SLC37A3: variants seen among roughly 807,000 people sequenced by gnomAD.
The protein encoded by SLC37A3 is solute carrier family 37 member 3, also known as sugar phosphate exchanger 3.
A neutral mutation model predicts 67.1 loss-of-function variants in SLC37A3; 51 were observed. The ratio of observed to expected loss-of-function variants is 0.76; its 90% CI spans 0.61 to 0.96. SLC37A3 has a LOEUF of 0.96. Among genes scored for constraint, SLC37A3 ranks in the 40% least tolerant of loss-of-function variants. The pLI is 0.00. For synonymous variants in SLC37A3, 214 were observed against 231.4 expected, an observed-to-expected ratio of 0.92 and a Z score of 0.68; for missense variants, 508 against 603.0, an observed-to-expected ratio of 0.84 and a Z score of 1.65.
Position 140,343,537 on chromosome 7 carries a change from T to C in SLC37A3, c.1201A>G (p.Met401Val). 6.2e-7 allele frequency: 1 copy of C among 1,614,136 alleles called. No homozygotes were observed. Among genetic ancestry groups the C allele is most frequent in the Non-Finnish European group, 8.5e-7 (1 of 1,180,014 alleles). ...TGFFIGGPSN[M>V]ISSAISADLG... ...TCCGCAGAAATAGCAGAACTAATCATATTAGAAGGTCCACCAATAAAAAAT... is the reference window on the plus strand; with the variant it reads ...TCCGCAGAAATAGCAGAACTAATCACATTAGAAGGTCCACCAATAAAAAAT... The change falls in exon 13 of 15, where the codon ATG (methionine) becomes GTG (valine). Residue 401 changes from methionine (M) to valine (V), a missense_variant. Coordinates refer to ENST00000326232, the MANE Select transcript of SLC37A3 (RefSeq NM_207113.3).
At chr7:140,360,731 T>G (rs1340968435) in intron 5 of SLC37A3, among the ~76,000 whole-genome samples, 1 of 50,010 alleles carries the variant, frequency 2.0e-5, no homozygotes, top group African/African-American at 6.6e-5. Flanking sequence ...AAGACTCCGT[T>G]TAAAAAAAAA....
intron 1 of SLC37A3, among the ~76,000 whole-genome samples, chr7:140,382,994 T>C (rs968518137): frequency 1.3e-5 from 2 of 152,114 alleles, no homozygotes; most frequent in Non-Finnish European, 2.9e-5. Context: ...TTAAAGAAGA[T>C]TGTGCTCAAT....
intron 3 of SLC37A3, among the ~76,000 whole-genome samples, chr7:140,377,668 G>T (rs1798087184): frequency 6.6e-6 from 1 of 152,058 alleles, no homozygotes; most frequent in Non-Finnish European, 1.5e-5. Flanking sequence ...GTACTTTTTA[G>T]GATGCTATTT....
At chr7:140,343,870 CAAAT>C (rs1796453356) in intron 12 of SLC37A3, 10 of 292,900 alleles carry the variant, frequency 3.4e-5, no homozygotes, top group South Asian at 3.2e-4. Flanking sequence ...ACTAGCTTGT[CAAAT>C]AAATTCTATT....
intron 1 of SLC37A3, among the ~76,000 whole-genome samples, chr7:140,391,729 A>G (rs1585382943): frequency 6.6e-6 from 1 of 152,072 alleles, no homozygotes; most frequent in Admixed American, 6.6e-5. Flanking sequence ...CAGGACATAT[A>G]CCCCTCCTGA....
intron 6 of SLC37A3, among the ~76,000 whole-genome samples, chr7:140,358,438 T>A (rs952142830): frequency 8.5e-5 from 13 of 152,094 alleles, no homozygotes; most frequent in African/African-American, 3.1e-4. Context: ...GGAGTGTGTC[T>A]CCTAGGCTGG....
At chr7:140,365,912 ATACAT>A in intron 4 of SLC37A3, among the ~76,000 whole-genome samples, 1 of 140,402 alleles carries the variant, frequency 7.1e-6, no homozygotes, top group African/African-American at 2.6e-5. Flanking sequence ...TGACAGAACA[ATACAT>A]GCTTTTTTTT....
chr7:140,382,701 A>G (rs769847872), intron 1 of SLC37A3, 105 bp from the exon 2 acceptor site: 1 of 520,712 alleles, frequency 1.9e-6, no homozygotes, highest in Non-Finnish European at 3.4e-6. Flanking sequence ...CTTGTGGGAA[A>G]AAAATCTTAT....
At chr7:140,335,753 G>A (rs1308538803) in intron 14 of SLC37A3, among the ~76,000 whole-genome samples, 2 of 152,202 alleles carry the variant, frequency 1.3e-5, no homozygotes, top group Non-Finnish European at 2.9e-5. Context: ...GCGGAGCAGA[G>A]AACTGAGACC....
intron 1 of SLC37A3, among the ~76,000 whole-genome samples, chr7:140,384,644 A>AT (rs1798381252): frequency 6.6e-6 from 1 of 152,016 alleles, no homozygotes; most frequent in Non-Finnish European, 1.5e-5. Flanking sequence ...GCTTGAGCCC[A>AT]GGGGTTCAAG....
chr7:140,351,384 A>T lies in SLC37A3; in HGVS notation c.771T>A (p.Gly257=), dbSNP rs769455083. 1 of 1,614,152 alleles carries T rather than the reference A, an allele frequency of 6.2e-7. No homozygotes were observed. The highest frequency in any genetic ancestry group is 1.1e-5 in the South Asian group (1 of 91,076). ...TCGGCTCATATTCGTCTTCATTTTC[A>T]CCACCATTAATTAATGGCCTGTGTG... ...EDSHRPLING[G]ENEDEYEPNY... is the part of the protein sequence containing the mutation. The change falls in exon 9 of 15, where the codon GGT becomes GGA. Residue 257 remains glycine (G), a synonymous_variant. Transcript: ENST00000326232.
chr7:140,364,518 G>T, intron 4 of SLC37A3, 27 bp from the exon 5 acceptor site: 1 of 1,599,822 alleles, frequency 6.3e-7, no homozygotes, highest in Non-Finnish European at 8.6e-7. Flanking sequence ...TTCTTTTACA[G>T]CTCTAAATAA....
intron 4 of SLC37A3, 124 bp from the exon 5 acceptor site, chr7:140,364,615 G>A (rs191798754): frequency 8.3e-6 from 7 of 846,992 alleles, no homozygotes; most frequent in Admixed American, 2.7e-5. Flanking sequence ...TACACATGCC[G>A]AGGCTACCTG....
intron 5 of SLC37A3, among the ~76,000 whole-genome samples, chr7:140,361,684 G>A (rs969559510): frequency 6.7e-6 from 1 of 150,264 alleles, no homozygotes; most frequent in Non-Finnish European, 1.5e-5. Context: ...GAGTGCCTGC[G>A]ATTGCAGGCG....
chr7:140,340,989 G>A (rs989442603), intron 13 of SLC37A3, among the ~76,000 whole-genome samples: 1 of 151,682 alleles, frequency 6.6e-6, no homozygotes, highest in African/African-American at 2.4e-5. Context: ...AGGCTGGACT[G>A]GAGTGGTGTG....
At chr7:140,358,489 G>T in intron 6 of SLC37A3, 151 bp downstream of exon 6, 1 of 1,073,182 alleles carries the variant, frequency 9.3e-7, no homozygotes, top group Non-Finnish European at 1.4e-6. Flanking sequence ...GCACACTGAC[G>T]TGAAACCCTC....
At position 140,353,798 on chromosome 7, in the gene SLC37A3, C is replaced by T. The variant is rs529434695; in HGVS notation, c.619-1652G>A. On this transcript the variant is annotated intron_variant, in intron 7 of 14. Coordinates refer to ENST00000326232, the MANE Select transcript of SLC37A3 (RefSeq NM_207113.3). ...CATGATCTTGGCTCACTGCAACCTC[C>T]GCCTCTTGGATTCAAGCAATTCTCT... Among the ~76,000 whole-genome samples, 25 of 152,052 alleles carry T rather than the reference C, an allele frequency of 1.6e-4. No homozygotes were observed. The East Asian group carries it at 3.7e-3, about 22-fold the overall frequency.
intron 4 of SLC37A3, among the ~76,000 whole-genome samples, chr7:140,365,176 A>G (rs754121929): frequency 6.6e-6 from 1 of 152,228 alleles, no homozygotes; most frequent in Non-Finnish European, 1.5e-5. Flanking sequence ...TGCTGAGATC[A>G]TGGCAGGAAG....
At position 140,361,706 on chromosome 7, in the gene SLC37A3, G is replaced by A. The variant is rs1309622307; in HGVS notation, c.375+2702C>T. On this transcript the variant is annotated intron_variant, in intron 5 of 14. Coordinates refer to ENST00000326232, the MANE Select transcript of SLC37A3 (RefSeq NM_207113.3). ...TGCGATTGCAGGCGCGCGCCGCCAC[G>A]CCTGACTGGTTTTCGTTTTTTTTTT... is the stretch of plus-strand genomic sequence containing the variant. Among the ~76,000 whole-genome samples, 20 of 150,560 alleles carry A rather than the reference G, an allele frequency of 1.3e-4. No homozygotes were observed. The South Asian group carries it at 4.2e-3, about 32-fold the overall frequency.
Sources: allele counts gnomAD v4.1 joint callset (sites outside exome capture counted in the v4.1 genomes callset), GRCh38; gene constraint gnomAD v4.1.1; transcripts MANE v1.5; gene names NCBI Gene and HGNC (gene_info 2026-07-23, HGNC 2026-07-21).